INTU: variants seen among roughly 807,000 people sequenced by gnomAD.
INTU encodes the protein protein inturned.
Under a neutral mutation model 100.5 loss-of-function variants are expected in INTU, and 68 were observed. The ratio of observed to expected loss-of-function variants is 0.68; its 90% CI spans 0.56 to 0.83. The LOEUF (loss-of-function observed/expected upper bound fraction) is 0.83. INTU is among the 40% of genes least tolerant of loss of function. The pLI is 0.00. For missense variants in INTU, 1,071 were observed against 1,114.7 expected (o/e 0.96, Z 0.56); for synonymous variants, 357 against 395.7 (o/e 0.90, Z 1.16).
intron 12 of INTU, 96 bp downstream of exon 12, chr4:127,707,065 T>A: frequency 1.5e-6 from 2 of 1,344,262 alleles, no homozygotes; most frequent in Non-Finnish European, 2.0e-6. Context: ...GGCATACCAT[T>A]CTTCATTTGA....
chr4:127,641,220 C>T (rs1233053210), intron 1 of INTU, among the ~76,000 whole-genome samples: 1 of 152,116 alleles, frequency 6.6e-6, no homozygotes, highest in Non-Finnish European at 1.5e-5. Flanking sequence ...CCAAAGTAGA[C>T]CTATCCAGGG....
Position 127,720,727 on chromosome 4 carries a change from T to G in INTU, c.*4291T>G, listed in dbSNP as rs1232640372. On this transcript the variant is annotated 3_prime_UTR_variant, in exon 16 of 16. Coordinates refer to ENST00000335251, the MANE Select transcript of INTU (RefSeq NM_015693.4). Reference sequence around the variant, plus strand: ...TGTTGAATTGACCCCTTTACCAGTATGTAATGCCTTTGTCTTTTTTTTAAT... The same window carrying G: ...TGTTGAATTGACCCCTTTACCAGTAGGTAATGCCTTTGTCTTTTTTTTAAT... 6.6e-6 allele frequency: 1 copy of G among 152,220 alleles called. No homozygotes were observed. The highest frequency in any genetic ancestry group is 1.5e-5 in the Non-Finnish European group (1 of 68,032). 9.4% of individuals were successfully genotyped at this position (152,220 alleles called of 1,614,324 possible). A position where few individuals can be genotyped will look rare whatever the true frequency, so the allele number is the denominator to read the frequency against.
intron 2 of INTU, among the ~76,000 whole-genome samples, chr4:127,655,307 T>C (rs1297886048): frequency 1.3e-5 from 2 of 152,190 alleles, no homozygotes; most frequent in Admixed American, 6.5e-5. Flanking sequence ...CTCTGCGTTT[T>C]AGAGTTTCTA....
In INTU at chr4:127,640,576, TATATATATATATATAC is replaced by T. The variant is rs1419948627; in HGVS notation, c.147-2939_147-2924del. Among the ~76,000 whole-genome samples, 198 of 59,464 alleles carry T rather than the reference TATATATATATATATAC, an allele frequency of 3.3e-3. 16 individuals carry two copies. The highest frequency in any genetic ancestry group is 0.011 in the African/African-American group (170 of 15,468). The allele number at this position is 59,464 out of a possible 152,430, so 39.0% of individuals were successfully genotyped here. Reference sequence around the variant, plus strand: ...ATATATATATATATATATATATATATATATATATATATATACATATACATAAACACACATGTGTATA... The same window carrying T: ...ATATATATATATATATATATATATATATATACATAAACACACATGTGTATA... On this transcript the variant is annotated intron_variant, in intron 1 of 15. Coordinates refer to ENST00000335251, the MANE Select transcript of INTU (RefSeq NM_015693.4).
In INTU at chr4:127,717,768, G is replaced by A. The variant is rs1201658273; in HGVS notation, c.*1332G>A. On this transcript the variant is annotated 3_prime_UTR_variant, in exon 16 of 16. Transcript: ENST00000335251. ...TATTGAGCTTTTTTTTCATATGTTT[G>A]TTGGCTGCATGAATGTCTTCTTTTG... is the stretch of plus-strand genomic sequence containing the variant. 6.6e-6 allele frequency: 1 copy of A among 151,872 alleles called. No homozygotes were observed. Among genetic ancestry groups the A allele is most frequent in the Non-Finnish European group, 1.5e-5 (1 of 67,976 alleles). 9.4% of individuals were successfully genotyped at this position (151,872 alleles called of 1,614,324 possible).
intron 3 of INTU, among the ~76,000 whole-genome samples, chr4:127,657,481 G>A (rs1191930755): frequency 6.6e-6 from 1 of 151,960 alleles, no homozygotes; most frequent in Non-Finnish European, 1.5e-5. Flanking sequence ...CCACGGACTG[G>A]TAGTGGTTCG....
chr4:127,679,331 A>G lies in INTU; in HGVS notation c.1182-5078A>G, dbSNP rs563248322. On this transcript the variant is annotated intron_variant, in intron 6 of 15. Coordinates refer to ENST00000335251, the MANE Select transcript of INTU (RefSeq NM_015693.4). ...TTCAGCACCACACCACACCTATTCC[A>G]AAATTGACCACATACTTGGAAGTAA... is the stretch of plus-strand genomic sequence containing the variant. 6.8e-3 allele frequency among the ~76,000 whole-genome samples: 1,039 copies of G among 152,258 alleles called. 12 individuals are homozygous for G. Among genetic ancestry groups the G allele is most frequent in the African/African-American group, 0.024 (994 of 41,550 alleles).
chr4:127,711,176 A>G (rs1731081313), intron 14 of INTU, 74 bp downstream of exon 14: 9 of 1,131,542 alleles, frequency 8.0e-6, no homozygotes, highest in South Asian at 2.2e-5. Flanking sequence ...TATCTAATCA[A>G]TATGCCCAGC....
At chr4:127,666,533 A>G (rs1297112952) in intron 4 of INTU, among the ~76,000 whole-genome samples, 1 of 152,156 alleles carries the variant, frequency 6.6e-6, no homozygotes, top group African/African-American at 2.4e-5. Flanking sequence ...TTCCTAGCCC[A>G]GTACTCAGTG....
At chr4:127,711,692 A>T (rs1371632903) in intron 14 of INTU, among the ~76,000 whole-genome samples, 4 of 152,176 alleles carry the variant, frequency 2.6e-5, no homozygotes, top group African/African-American at 7.2e-5. Flanking sequence ...CATGTGAGGG[A>T]TCTAGGCTGT....
At chr4:127,707,784 T>C (rs1730950071) in intron 12 of INTU, among the ~76,000 whole-genome samples, 1 of 152,192 alleles carries the variant, frequency 6.6e-6, no homozygotes, top group African/African-American at 2.4e-5. Context: ...CCTAATTTTT[T>C]CCCATGAAAA....
At chr4:127,711,167 A>G (rs1731080894) in intron 14 of INTU, 65 bp downstream of exon 14, 27 of 1,204,134 alleles carry the variant, frequency 2.2e-5, no homozygotes, top group Non-Finnish European at 3.0e-5. Context: ...GCATTCTGTT[A>G]TCTAATCAAT....
chr4:127,672,592 G>C (rs1156679217), intron 5 of INTU, among the ~76,000 whole-genome samples: 1 of 151,390 alleles, frequency 6.6e-6, no homozygotes, highest in Non-Finnish European at 1.5e-5. Context: ...AATACAGCTA[G>C]AAAAACTTTT....
chr4:127,666,747 G>T (rs77789546), intron 4 of INTU, among the ~76,000 whole-genome samples: 1 of 152,180 alleles, frequency 6.6e-6, no homozygotes, highest in Non-Finnish European at 1.5e-5. Flanking sequence ...GTTTTACAGC[G>T]CAAGGGTCTC....
intron 1 of INTU, 143 bp downstream of exon 1, chr4:127,633,323 G>GTT: frequency 1.3e-6 from 1 of 797,110 alleles, no homozygotes; most frequent in East Asian, 2.7e-5. Flanking sequence ...ATTGCACCAC[G>GTT]TTCCATTGTA....
In INTU at chr4:127,724,806, C is replaced by G. The variant is rs1033209660; in HGVS notation, c.*8370C>G. 2.6e-5 allele frequency: 4 copies of G among 152,174 alleles called. No homozygotes were observed. The highest frequency in any genetic ancestry group is 9.7e-5 in the African/African-American group (4 of 41,438). The allele number at this position is 152,174 out of a possible 1,614,324, so 9.4% of individuals were successfully genotyped here. A position where few individuals can be genotyped will look rare whatever the true frequency, so the allele number is the denominator to read the frequency against. Reference sequence around the variant, plus strand: ...CTTAGTCAAAACTAACTGCAAAACACTGGGTGTACCATTTGAGTCATTTGG... The same window carrying G: ...CTTAGTCAAAACTAACTGCAAAACAGTGGGTGTACCATTTGAGTCATTTGG... On this transcript the variant is annotated 3_prime_UTR_variant, in exon 16 of 16. Transcript: ENST00000335251.
At position 127,666,195 on chromosome 4, in the gene INTU, G is replaced by C. The variant is rs148574808; in HGVS notation, c.972+2611G>C. 6.1e-3 allele frequency among the ~76,000 whole-genome samples: 921 copies of C among 152,116 alleles called. 9 individuals carry two copies. Among genetic ancestry groups the C allele is most frequent in the African/African-American group, 0.017 (708 of 41,530 alleles). ...TTAATCAACATTTCAAATCTGCCAT[G>C]ATATCCCCGATCGTCTCTTGTTGCT... On this transcript the variant is annotated intron_variant, in intron 4 of 15. Transcript: ENST00000335251.
In INTU at chr4:127,721,959, T is replaced by C. The variant is rs1389295222; in HGVS notation, c.*5523T>C. On this transcript the variant is annotated 3_prime_UTR_variant, in exon 16 of 16. Coordinates refer to ENST00000335251, the MANE Select transcript of INTU (RefSeq NM_015693.4). ...GTTATTTCCCATCTTGGATGGATGA[T>C]TGACATTCATCCATCTCAGCCTCAG... 1 of 152,244 alleles carries C rather than the reference T, an allele frequency of 6.6e-6. No individual in the cohort carries two copies. The highest frequency in any genetic ancestry group is 2.4e-5 in the African/African-American group (1 of 41,456). 9.4% of individuals were successfully genotyped at this position (152,244 alleles called of 1,614,324 possible).
intron 12 of INTU, among the ~76,000 whole-genome samples, chr4:127,708,031 A>C (rs1366722789): frequency 6.6e-6 from 1 of 152,156 alleles, no homozygotes; most frequent in Non-Finnish European, 1.5e-5. Context: ...TTGGACCCCT[A>C]AGTGGGGTGT....
Sources: allele counts gnomAD v4.1 joint callset (sites outside exome capture counted in the v4.1 genomes callset), GRCh38; gene constraint gnomAD v4.1.1; transcripts MANE v1.5; gene names NCBI Gene and HGNC (gene_info 2026-07-23, HGNC 2026-07-21).